FANCI: variants seen among roughly 807,000 people sequenced by gnomAD.
The protein encoded by FANCI is FA complementation group I.
FANCI carries 156 observed loss-of-function variants against 176.1 expected under a neutral mutation model. The observed-to-expected ratio is 0.89, with a 90% confidence interval of 0.78 to 1.01. The LOEUF is 1.01. Ranked by LOEUF, FANCI falls within the 50% of genes least tolerant of loss-of-function variation. The pLI is 0.00. For missense variants in FANCI, 1,678 were observed against 1,534.1 expected, an observed-to-expected ratio of 1.09 and a Z score of -1.57; for synonymous variants, 613 against 541.7, an observed-to-expected ratio of 1.13 and a Z score of -1.83.
chr15:89,288,097 C>G (rs190103971), intron 18 of FANCI, among the ~76,000 whole-genome samples: 1 of 152,100 alleles, frequency 6.6e-6, no homozygotes, highest in Non-Finnish European at 1.5e-5. Context: ...GTAATATCTG[C>G]GAAGTGCAAT....
At chr15:89,286,460 T>C (rs2053820559) in intron 18 of FANCI, among the ~76,000 whole-genome samples, 2 of 152,250 alleles carry the variant, frequency 1.3e-5, no homozygotes, top group African/African-American at 4.8e-5. Context: ...TGTGGTAGCA[T>C]ATGTGAAAAC....
chr15:89,266,369 C>G (rs1272228997), intron 9 of FANCI, among the ~76,000 whole-genome samples: 1 of 149,434 alleles, frequency 6.7e-6, no homozygotes, highest in African/African-American at 2.5e-5. Flanking sequence ...CACTGTGTTG[C>G]CCAGGCTGGA....
chr15:89,251,952 C>G (rs539163786), intron 2 of FANCI, among the ~76,000 whole-genome samples: 2 of 152,236 alleles, frequency 1.3e-5, no homozygotes, highest in South Asian at 4.1e-4. Context: ...ATATAATGTT[C>G]TGATTGGCTA....
chr15:89,309,965 T>C (rs965815898), intron 34 of FANCI, among the ~76,000 whole-genome samples: 2 of 152,248 alleles, frequency 1.3e-5, no homozygotes, highest in African/African-American at 4.8e-5. Flanking sequence ...TTGTGTCTGA[T>C]GTGTTAAGCT....
At chr15:89,305,722 C>A in intron 31 of FANCI, 24 bp downstream of exon 31, 1 of 1,606,602 alleles carries the variant, frequency 6.2e-7, no homozygotes, top group Non-Finnish European at 8.5e-7. Context: ...AACTGGGATT[C>A]CAGGAATTGA....
chr15:89,316,981 GTTTTC>G lies in FANCI; in HGVS notation c.*527_*531del, dbSNP rs1030756836. 7.6e-5 allele frequency: 51 copies of G among 674,296 alleles called. No individual in the cohort carries two copies. In the African/African-American group the frequency reaches 8.7e-4, roughly 11 times the overall value. 41.8% of individuals were successfully genotyped at this position (674,296 alleles called of 1,614,324 possible). ...GTAATGTTACATGTTAGGAGGGTCT[GTTTTC>G]TTTTTATATAAGTGTGTCTTAGATA... On this transcript the variant is annotated 3_prime_UTR_variant, in exon 38 of 38. Coordinates refer to ENST00000310775, the MANE Select transcript of FANCI (RefSeq NM_001113378.2).
chr15:89,265,460 G>A (rs546127475), intron 9 of FANCI, among the ~76,000 whole-genome samples: 1 of 151,980 alleles, frequency 6.6e-6, no homozygotes, highest in Non-Finnish European at 1.5e-5. Flanking sequence ...ACCCTCCTCG[G>A]TCTCTCAAAG....
intron 28 of FANCI, among the ~76,000 whole-genome samples, chr15:89,304,552 C>T (rs771218580): frequency 6.6e-6 from 1 of 152,184 alleles, no homozygotes; most frequent in Non-Finnish European, 1.5e-5. Flanking sequence ...TGTACTTGAT[C>T]TGGATGCTAG....
In FANCI at chr15:89,305,660, C is replaced by G. The variant is rs774246445; in HGVS notation, c.3311C>G (p.Thr1104Ser). 4.3e-6 allele frequency: 7 copies of G among 1,614,162 alleles called. No individual in the cohort carries two copies. The South Asian group carries it at 6.6e-5, about 15-fold the overall frequency. The change falls in exon 31 of 38, where the codon ACC becomes AGC. Residue 1104 changes from threonine to serine, a missense_variant. Thr to Ser is a moderately conservative substitution (Grantham distance 58). This residue lies in a region of FANCI where 1,204 missense variants were observed against 1,077.4 expected (regional missense o/e 1.12). Transcript: ENST00000310775. ...KVLEEVDWLI[T>S]KLKGQVSQET... ...CTAGAAGAAGTGGACTGGCTAATCA[C>G]CAAGCTTAAGGGACAAGTGAGCCAA...
chr15:89,300,483 T>C (rs527875404), intron 26 of FANCI, 98 bp downstream of exon 26: 8 of 1,029,248 alleles, frequency 7.8e-6, no homozygotes, highest in Middle Eastern at 2.0e-4. Flanking sequence ...AGTGACCAAG[T>C]AGGAGAAGAA....
chr15:89,268,508 C>T lies in FANCI; in HGVS notation c.865C>T (p.Leu289Phe), dbSNP rs2053065579. 1 of 1,614,058 alleles carries T rather than the reference C, an allele frequency of 6.2e-7. No individual in the cohort carries two copies. Among genetic ancestry groups the T allele is most frequent in the Non-Finnish European group, 8.5e-7 (1 of 1,180,020 alleles). Residue 289 changes from leucine (L) to phenylalanine (F), a missense_variant, in exon 10 of 38, where the codon CTC (leucine) becomes TTC (phenylalanine). Physicochemically the swap from Leu to Phe is conservative, Grantham distance 22. Around this residue, in one of 3 missense-constraint regions of FANCI, gnomAD observed 469 missense variants for 436.9 expected, o/e 1.07. Coordinates refer to ENST00000310775, the MANE Select transcript of FANCI (RefSeq NM_001113378.2). ...IKLDYELGRE[L>F]VKHLKVGQQG... Reference sequence around the variant, plus strand: ...ATTGGACTATGAACTAGGCAGAGAACTCGTGAAACACTTAAAGGTAGCATC... The same window carrying T: ...ATTGGACTATGAACTAGGCAGAGAATTCGTGAAACACTTAAAGGTAGCATC...
chr15:89,291,610 C>G lies in FANCI; in HGVS notation c.1891-3C>G, dbSNP rs371578898. On this transcript the variant is annotated splice_polypyrimidine_tract_variant and splice_region_variant and intron_variant, in intron 19 of 37. Coordinates refer to ENST00000310775, the MANE Select transcript of FANCI (RefSeq NM_001113378.2). ...GATGTCTTTTTTTTCTTACTATACA[C>G]AGTTAAAACAGTTCTATGAGCCAAA... The G allele has an allele frequency of 6.2e-7, 1 of 1,611,508 alleles. No individual in the cohort carries two copies. Among genetic ancestry groups the G allele is most frequent in the African/African-American group, 1.3e-5 (1 of 74,844 alleles).
chr15:89,245,557 G>A (rs1306734491), intron 1 of FANCI, among the ~76,000 whole-genome samples: 2 of 151,710 alleles, frequency 1.3e-5, no homozygotes, highest in Non-Finnish European at 2.9e-5. Flanking sequence ...GTAGGAATTA[G>A]TAATAAAAGA....
intron 9 of FANCI, among the ~76,000 whole-genome samples, chr15:89,265,196 G>T (rs1013046652): frequency 5.3e-5 from 8 of 151,664 alleles, no homozygotes; most frequent in Non-Finnish European, 1.5e-5. Context: ...AGGATTTTGG[G>T]TTTTTTTTGT....
intron 24 of FANCI, among the ~76,000 whole-genome samples, chr15:89,297,441 A>G (rs2054342568): frequency 1.3e-5 from 2 of 152,044 alleles, no homozygotes; most frequent in Non-Finnish European, 1.5e-5. Context: ...GCGAGCCGAG[A>G]TCACGCCACT....
intron 8 of FANCI, 55 bp downstream of exon 8, chr15:89,264,081 A>G: frequency 6.3e-7 from 1 of 1,594,096 alleles, no homozygotes. Flanking sequence ...AGTTATGACC[A>G]TTCAACTTAT....
In FANCI at chr15:89,313,865, A is replaced by G. The variant is rs1472610902; in HGVS notation, c.3721-747A>G. 5.3e-5 allele frequency among the ~76,000 whole-genome samples: 8 copies of G among 151,812 alleles called. No individual in the cohort carries two copies. In the Admixed American group the frequency reaches 5.3e-4, roughly 10 times the overall value. ...TGGAATTATCTCCAAGATAATGTTA[A>G]AAAAAATTTGTACAGTATCCTCATG... On this transcript the variant is annotated intron_variant, in intron 35 of 37. Coordinates refer to ENST00000310775, the MANE Select transcript of FANCI (RefSeq NM_001113378.2).
rs80044949 is a variant in FANCI, at chr15:89,279,446, C to A, written c.1381+672C>A. Among the ~76,000 whole-genome samples the A allele has an allele frequency of 4.3e-3, 662 of 152,344 alleles. 9 individuals carry two copies. The highest frequency in any genetic ancestry group is 0.015 in the African/African-American group (634 of 41,564). On this transcript the variant is annotated intron_variant, in intron 14 of 37. Coordinates refer to ENST00000310775, the MANE Select transcript of FANCI (RefSeq NM_001113378.2). ...GTGCTGGGATTACAGGCGTGAGCCA[C>A]CATGCTTGGCCTGAATTTGCTGTTT...
At chr15:89,263,182 A>C (rs911230325) in intron 6 of FANCI, among the ~76,000 whole-genome samples, 1 of 152,246 alleles carries the variant, frequency 6.6e-6, no homozygotes, top group African/African-American at 2.4e-5. Context: ...ACGGTATGTG[A>C]ATAGAGTTTG....
Sources: allele counts gnomAD v4.1 joint callset (sites outside exome capture counted in the v4.1 genomes callset), GRCh38; gene constraint gnomAD v4.1.1; regional missense constraint gnomAD v4.1.1; transcripts MANE v1.5; gene names NCBI Gene and HGNC (gene_info 2026-07-23, HGNC 2026-07-21).